VAT1L: variants seen among roughly 807,000 people sequenced by gnomAD.
The protein encoded by VAT1L is putative NADPH-dependent quinone oxidoreductase VAT1L.
VAT1L carries 34 observed loss-of-function variants against 44.1 expected under a neutral mutation model. That is an observed-to-expected ratio of 0.77 (90% CI 0.59 to 1.03). VAT1L has a LOEUF of 1.03. VAT1L is among the 50% of genes least tolerant of loss of function. VAT1L has a pLI of 0.00. For synonymous variants in VAT1L, 253 were observed against 202.2 expected (o/e 1.25, Z -2.13); for missense variants, 615 against 538.8 (o/e 1.14, Z -1.40).
At chr16:77,890,619 T>C (rs1175569576) in intron 7 of VAT1L, among the ~76,000 whole-genome samples, 1 of 152,170 alleles carries the variant, frequency 6.6e-6, no homozygotes, top group Non-Finnish European at 1.5e-5. Flanking sequence ...ATTTTTTAAA[T>C]GTTCATTGAA....
intron 7 of VAT1L, among the ~76,000 whole-genome samples, chr16:77,938,239 T>A (rs760138750): frequency 6.6e-6 from 1 of 152,190 alleles, no homozygotes; most frequent in South Asian, 2.1e-4. Context: ...TCTAAATGTG[T>A]CTTATGTCTC....
intron 3 of VAT1L, among the ~76,000 whole-genome samples, chr16:77,836,841 T>A (rs1186624129): frequency 6.6e-6 from 1 of 152,226 alleles, no homozygotes; most frequent in Non-Finnish European, 1.5e-5. Flanking sequence ...TAGGTGAATT[T>A]GGCCTCTGTG....
chr16:77,802,513 G>A (rs1204374894), intron 1 of VAT1L, among the ~76,000 whole-genome samples: 1 of 151,936 alleles, frequency 6.6e-6, no homozygotes, highest in Non-Finnish European at 1.5e-5. Flanking sequence ...TACTCGGGAG[G>A]CTGAGGCAGG....
At chr16:77,795,835 T>TTTTTG (rs2015922362) in intron 1 of VAT1L, among the ~76,000 whole-genome samples, 1 of 140,006 alleles carries the variant, frequency 7.1e-6, no homozygotes, top group Admixed American at 7.3e-5. Flanking sequence ...TTTTTTTTTT[T>TTTTTG]TTTCATTTGA....
intron 2 of VAT1L, among the ~76,000 whole-genome samples, chr16:77,821,986 C>T (rs1183018051): frequency 6.6e-6 from 1 of 152,198 alleles, no homozygotes; most frequent in Admixed American, 6.5e-5. Flanking sequence ...TCTCGTGTTT[C>T]CTGCTGCTTT....
chr16:77,935,710 G>A (rs2017787332), intron 7 of VAT1L, among the ~76,000 whole-genome samples: 1 of 152,146 alleles, frequency 6.6e-6, no homozygotes, highest in African/African-American at 2.4e-5. Flanking sequence ...GCTGACTGCA[G>A]GGTTGCACAG....
chr16:77,977,902 G>A lies in VAT1L; in HGVS notation c.*207G>A, dbSNP rs2018358685. The A allele has an allele frequency of 3.7e-6, 2 of 541,684 alleles. No homozygotes were observed. The highest frequency in any genetic ancestry group is 1.9e-5 in the African/African-American group (1 of 52,222). The allele number at this position is 541,684 out of a possible 1,614,324, so 33.6% of individuals were successfully genotyped here. A position where few individuals can be genotyped will look rare whatever the true frequency, so the allele number is the denominator to read the frequency against. On this transcript the variant is annotated 3_prime_UTR_variant, in exon 9 of 9. Coordinates refer to ENST00000302536, the MANE Select transcript of VAT1L (RefSeq NM_020927.3). ...GCAGTATTATGTCCCTCTCCTATCTGTGTATTACACATTCCCCTCTCCCCT... is the reference window on the plus strand; with the variant it reads ...GCAGTATTATGTCCCTCTCCTATCTATGTATTACACATTCCCCTCTCCCCT...
At chr16:77,936,169 G>T (rs925100660) in intron 7 of VAT1L, among the ~76,000 whole-genome samples, 4 of 152,170 alleles carry the variant, frequency 2.6e-5, no homozygotes, top group African/African-American at 9.7e-5. Flanking sequence ...GGTACAGGGG[G>T]AGCCATGGCC....
intron 1 of VAT1L, among the ~76,000 whole-genome samples, chr16:77,799,823 C>G (rs2966071): frequency 0.74 from 112,890 of 152,052 alleles, 42,179 homozygotes; most frequent in Admixed American, 0.79. Flanking sequence ...TGAGGCCCAT[C>G]ATCTTGTAGA....
chr16:77,898,114 A>G (rs546436899), intron 7 of VAT1L, among the ~76,000 whole-genome samples: 5 of 152,144 alleles, frequency 3.3e-5, no homozygotes, highest in African/African-American at 1.2e-4. Flanking sequence ...CATCACCTCT[A>G]TCTCTGCCTT....
intron 7 of VAT1L, among the ~76,000 whole-genome samples, chr16:77,893,216 G>A (rs2017286905): frequency 1.3e-5 from 2 of 152,202 alleles, no homozygotes; most frequent in Admixed American, 6.5e-5. Flanking sequence ...TGGTCTGGCT[G>A]GGAGGCTGTG....
At chr16:77,792,717 A>G (rs546679444) in intron 1 of VAT1L, among the ~76,000 whole-genome samples, 1 of 152,302 alleles carries the variant, frequency 6.6e-6, no homozygotes, top group East Asian at 1.9e-4. Flanking sequence ...CTGCCCATAG[A>G]CAGGATCTGG....
At chr16:77,877,699 G>C (rs1567495419) in intron 5 of VAT1L, among the ~76,000 whole-genome samples, 2 of 151,950 alleles carry the variant, frequency 1.3e-5, no homozygotes, top group East Asian at 3.9e-4. Flanking sequence ...GGCTAACTCA[G>C]AAAAAAACAC....
chr16:77,818,626 G>T (rs562610467), intron 2 of VAT1L, among the ~76,000 whole-genome samples: 1 of 152,198 alleles, frequency 6.6e-6, no homozygotes, highest in African/African-American at 2.4e-5. Flanking sequence ...TGTTCAACTT[G>T]GTTTAGAGGG....
chr16:77,829,301 A>G (rs961435995), intron 3 of VAT1L, among the ~76,000 whole-genome samples: 3 of 152,212 alleles, frequency 2.0e-5, no homozygotes, highest in Non-Finnish European at 4.4e-5. Context: ...GACTAAACCT[A>G]GTAATAGCTG....
chr16:77,955,716 A>G (rs1307670131), intron 7 of VAT1L, among the ~76,000 whole-genome samples: 1 of 129,080 alleles, frequency 7.7e-6, no homozygotes, highest in Non-Finnish European at 1.7e-5. Context: ...CAGAGGCTCC[A>G]TATCCCCCCC....
At position 77,794,864 on chromosome 16, in the gene VAT1L, T is replaced by G. The variant is rs533118780; in HGVS notation, c.233+5949T>G. ...ATGGAAGTGCTAGCTCGGGTCATTT[T>G]TATTTAATGAAATTTGCATTCTCTC... On this transcript the variant is annotated intron_variant, in intron 1 of 8. Coordinates refer to ENST00000302536, the MANE Select transcript of VAT1L (RefSeq NM_020927.3). 2.0e-5 allele frequency among the ~76,000 whole-genome samples: 3 copies of G among 152,230 alleles called. No individual in the cohort carries two copies. In the South Asian group the frequency reaches 6.2e-4, roughly 32 times the overall value.
At chr16:77,863,013 T>G in intron 4 of VAT1L, 123 bp downstream of exon 4, 1 of 1,236,878 alleles carries the variant, frequency 8.1e-7, no homozygotes, top group Non-Finnish European at 1.1e-6. Flanking sequence ...GGGCTTAGTA[T>G]TATTAGCTCT....
intron 7 of VAT1L, among the ~76,000 whole-genome samples, chr16:77,888,578 G>T (rs568746536): frequency 1.3e-5 from 2 of 152,274 alleles, no homozygotes; most frequent in African/African-American, 4.8e-5. Flanking sequence ...TAAAAGACAG[G>T]GTTTCTCAGC....
Sources: gnomAD v4.1 joint callset for allele counts (sites outside exome capture counted in the v4.1 genomes callset) on GRCh38, gnomAD v4.1.1 for gene constraint, MANE v1.5 for transcripts, NCBI Gene and HGNC (gene_info 2026-07-23, HGNC 2026-07-21) for gene names.